Variants in PTPRN2 observed in about 807,000 individuals in gnomAD.
PTPRN2 encodes protein tyrosine phosphatase receptor type N2.
In PTPRN2, 74 loss-of-function variants were observed where a neutral mutation model predicts 118.8. That is an observed-to-expected ratio of 0.62 (90% CI 0.52 to 0.76). PTPRN2 has a LOEUF of 0.76. Ranked by LOEUF, PTPRN2 falls within the 30% of genes least tolerant of loss-of-function variation. PTPRN2 has a pLI of 0.00. For missense variants in PTPRN2, 1,481 were observed against 1,394.4 expected, an observed-to-expected ratio of 1.06 and a Z score of -0.99; for synonymous variants, 641 against 608.0, an observed-to-expected ratio of 1.05 and a Z score of -0.80.
At chr7:158,044,241 A>G (rs187964658) in intron 11 of PTPRN2, among the ~76,000 whole-genome samples, 132 of 152,288 alleles carry the variant, frequency 8.7e-4, no homozygotes, top group African/African-American at 3.0e-3. Context: ...AGGAGGGGGA[A>G]TCCTGAAGCT....
chr7:157,686,849 C>G (rs1797221892), intron 12 of PTPRN2, among the ~76,000 whole-genome samples: 1 of 152,032 alleles, frequency 6.6e-6, no homozygotes, highest in African/African-American at 2.4e-5. Context: ...CAGATAGGCA[C>G]ACTTCAGTGC....
intron 11 of PTPRN2, among the ~76,000 whole-genome samples, chr7:157,972,856 C>G (rs373275828): frequency 2.6e-4 from 12 of 45,696 alleles, no homozygotes; most frequent in Non-Finnish European, 3.1e-4. Flanking sequence ...TCAGAGACCG[C>G]AGAAACTCCA....
intron 2 of PTPRN2, among the ~76,000 whole-genome samples, chr7:158,340,130 G>GCA (rs1201772598): frequency 3.4e-4 from 24 of 71,356 alleles, no homozygotes; most frequent in Admixed American, 7.2e-4. Context: ...GGTGACACCT[G>GCA]GAGACGTCAC....
chr7:158,299,612 T>C (rs1240739518), intron 3 of PTPRN2, among the ~76,000 whole-genome samples: 2 of 152,172 alleles, frequency 1.3e-5, no homozygotes. Flanking sequence ...CAATTTTTTT[T>C]AGCTCATTAA....
intron 12 of PTPRN2, among the ~76,000 whole-genome samples, chr7:157,771,798 G>A (rs972210553): frequency 4.2e-5 from 6 of 143,468 alleles, no homozygotes; most frequent in African/African-American, 1.6e-4. Context: ...CACAGACACA[G>A]ACACAAACAC....
intron 6 of PTPRN2, among the ~76,000 whole-genome samples, chr7:158,150,962 C>T (rs1352572853): frequency 1.3e-5 from 2 of 151,952 alleles, no homozygotes; most frequent in East Asian, 3.9e-4. Flanking sequence ...TGCATCCCAC[C>T]CTGCTTACAG....
intron 3 of PTPRN2, among the ~76,000 whole-genome samples, chr7:158,284,636 C>G (rs1311338973): frequency 6.6e-6 from 1 of 152,130 alleles, no homozygotes. Flanking sequence ...CTGTCCCACT[C>G]CATAGTTTGG....
chr7:158,009,001 C>T (rs758469939), intron 11 of PTPRN2, among the ~76,000 whole-genome samples: 6 of 152,154 alleles, frequency 3.9e-5, no homozygotes, highest in Admixed American at 1.3e-4. Flanking sequence ...TCTAGCTCCC[C>T]GCACTCCCTG....
At chr7:157,680,187 G>T (rs1334699191) in intron 13 of PTPRN2, among the ~76,000 whole-genome samples, 1 of 152,076 alleles carries the variant, frequency 6.6e-6, no homozygotes, top group African/African-American at 2.4e-5. Context: ...GTTCCAGCAT[G>T]TCCCCATGAA....
At chr7:157,718,481 C>A (rs111572925) in intron 12 of PTPRN2, among the ~76,000 whole-genome samples, 1,858 of 152,326 alleles carry the variant, frequency 0.012, 33 homozygotes, top group East Asian at 0.039. Flanking sequence ...ACCCTGCAGT[C>A]CCCGGCCTGG....
chr7:157,859,824 C>T (rs1299855990), intron 12 of PTPRN2, among the ~76,000 whole-genome samples: 1 of 122,630 alleles, frequency 8.2e-6, no homozygotes, highest in African/African-American at 3.2e-5. Flanking sequence ...CAGCCACCAC[C>T]CACACTCCTG....
intron 2 of PTPRN2, among the ~76,000 whole-genome samples, chr7:158,486,510 T>C (rs1189991358): frequency 6.6e-6 from 1 of 152,228 alleles, no homozygotes; most frequent in Non-Finnish European, 1.5e-5. Context: ...AACTCTCTTT[T>C]CTACAAGCTG....
At chr7:158,144,043 T>G (rs1347110459) in intron 6 of PTPRN2, among the ~76,000 whole-genome samples, 1 of 152,164 alleles carries the variant, frequency 6.6e-6, no homozygotes, top group Non-Finnish European at 1.5e-5. Context: ...GGGACAAGTT[T>G]GGGACAGAGT....
In PTPRN2 at chr7:158,393,422, C is replaced by T. The variant is rs78550337; in HGVS notation, c.164-76490G>A. On this transcript the variant is annotated intron_variant, in intron 2 of 22. Coordinates refer to ENST00000389418, the MANE Select transcript of PTPRN2 (RefSeq NM_002847.5). ...TCGCTCTGGGAGACGCCTTGCAGGA[C>T]GACCCCGGGCAACTTCAGCCTCCAC... Among the ~76,000 whole-genome samples, 183 of 152,298 alleles carry T rather than the reference C, an allele frequency of 1.2e-3. 2 individuals carry two copies. The East Asian group carries it at 0.027, about 23-fold the overall frequency.
chr7:157,654,927 A>G (rs1585181406), intron 14 of PTPRN2, among the ~76,000 whole-genome samples: 1 of 152,218 alleles, frequency 6.6e-6, no homozygotes, highest in African/African-American at 2.4e-5. Context: ...CTCATCACAA[A>G]TATGAACTCC....
In PTPRN2 at chr7:157,615,266, C is replaced by T. The variant is rs1802683687; in HGVS notation, c.2344+6096G>A. 2 of 353,520 alleles carry T rather than the reference C, an allele frequency of 5.7e-6. No individual in the cohort carries two copies. The highest frequency in any genetic ancestry group is 3.8e-5 in the Admixed American group (1 of 26,538). 21.9% of individuals were successfully genotyped at this position (353,520 alleles called of 1,614,324 possible). A position where few individuals can be genotyped will look rare whatever the true frequency, so the allele number is the denominator to read the frequency against. On this transcript the variant is annotated intron_variant, in intron 15 of 22. Transcript: ENST00000389418. The surrounding 1 kb of genome is among the most constrained non-coding windows in gnomAD (Gnocchi z 4.3). ...AGGAAGTCATGCTAAGCCAGCCACA[C>T]TTCTGCTCCAGAGAGGGCCCTGCAA... is the stretch of plus-strand genomic sequence containing the variant.
chr7:158,087,410 C>A (rs1373581811), intron 10 of PTPRN2, among the ~76,000 whole-genome samples: 1 of 152,230 alleles, frequency 6.6e-6, no homozygotes, highest in Non-Finnish European at 1.5e-5. Context: ...CCAGGCACAT[C>A]TATGGTAAGA....
intron 3 of PTPRN2, among the ~76,000 whole-genome samples, chr7:158,219,914 C>G (rs1039769260): frequency 1.3e-5 from 2 of 151,498 alleles, no homozygotes; most frequent in African/African-American, 4.8e-5. Flanking sequence ...AAGCCCGGAA[C>G]CAGACAAATT....
At chr7:158,098,981 ATCCCGGCTGCCTCCCCTTCCTCCCCCAAC>A (rs1814925756) in intron 10 of PTPRN2, among the ~76,000 whole-genome samples, 1 of 36,042 alleles carries the variant, frequency 2.8e-5, no homozygotes, top group African/African-American at 7.7e-5. Context: ...TGGGTTCCGC[ATCCCGGCTGCCTCCCCTTCCTCCCCCAAC>A]ACATCCCGGC....
Sources: gnomAD v4.1 joint callset for allele counts (sites outside exome capture counted in the v4.1 genomes callset) on GRCh38, gnomAD v4.1.1 for gene constraint, Gnocchi (gnomAD v3.1) non-coding constraint, MANE v1.5 for transcripts, NCBI Gene and HGNC (gene_info 2026-07-23, HGNC 2026-07-21) for gene names.